Variants in GHR observed in about 807,000 individuals in gnomAD.
GHR encodes growth hormone receptor.
Under a neutral mutation model 67.1 loss-of-function variants are expected in GHR, and 35 were observed. That is an observed-to-expected ratio of 0.52 (90% CI 0.40 to 0.69). The LOEUF is 0.69. Among genes scored for constraint, GHR ranks in the 30% least tolerant of loss-of-function variants. The pLI, the probability that GHR is intolerant of heterozygous loss-of-function variation, is 0.00. For missense variants in GHR, 792 were observed against 764.6 expected, an observed-to-expected ratio of 1.04 and a Z score of -0.42; for synonymous variants, 272 against 269.1, an observed-to-expected ratio of 1.01 and a Z score of -0.10.
At chr5:42,468,022 T>A (rs1234517860) in intron 1 of GHR, 2 of 777,462 alleles carry the variant, frequency 2.6e-6, no homozygotes, top group African/African-American at 3.5e-5. Flanking sequence ...TTAACTCAGG[T>A]CCTTAAGGAT....
intron 1 of GHR, among the ~76,000 whole-genome samples, chr5:42,478,245 A>T (rs145847415): frequency 6.6e-6 from 1 of 152,054 alleles, no homozygotes; most frequent in Non-Finnish European, 1.5e-5. Flanking sequence ...TGGTCTATAT[A>T]TCTGTTTTGG....
At chr5:42,475,074 G>A (rs1444183882) in intron 1 of GHR, among the ~76,000 whole-genome samples, 1 of 151,780 alleles carries the variant, frequency 6.6e-6, no homozygotes, top group Non-Finnish European at 1.5e-5. Context: ...AGTAGTGACG[G>A]GGTTTCACCA....
chr5:42,483,639 AG>A (rs766879927), intron 1 of GHR, among the ~76,000 whole-genome samples: 1 of 152,162 alleles, frequency 6.6e-6, no homozygotes, highest in Non-Finnish European at 1.5e-5. Flanking sequence ...ACGTTAGGGG[AG>A]GGAATCGAAT....
intron 1 of GHR, among the ~76,000 whole-genome samples, chr5:42,538,272 C>G (rs1748349597): frequency 6.6e-6 from 1 of 151,972 alleles, no homozygotes; most frequent in South Asian, 2.1e-4. Flanking sequence ...GTTTATAAGT[C>G]CTATGTGATT....
intron 2 of GHR, among the ~76,000 whole-genome samples, chr5:42,622,290 T>C (rs1238695814): frequency 6.6e-6 from 1 of 152,200 alleles, no homozygotes; most frequent in Non-Finnish European, 1.5e-5. Flanking sequence ...TTGAGATCAA[T>C]CAATCAGCAT....
intron 2 of GHR, among the ~76,000 whole-genome samples, chr5:42,576,446 C>T (rs1750748861): frequency 6.6e-6 from 1 of 152,018 alleles, no homozygotes; most frequent in South Asian, 2.1e-4. Context: ...TATATAATTC[C>T]TATAATTGGA....
intron 1 of GHR, among the ~76,000 whole-genome samples, chr5:42,481,359 A>T (rs1745626070): frequency 6.6e-6 from 1 of 152,016 alleles, no homozygotes; most frequent in Non-Finnish European, 1.5e-5. Flanking sequence ...TCTGCCAATT[A>T]TGTGTCTTGG....
chr5:42,441,157 A>G (rs766955621), intron 1 of GHR, among the ~76,000 whole-genome samples: 1 of 152,096 alleles, frequency 6.6e-6, no homozygotes, highest in Non-Finnish European at 1.5e-5. Flanking sequence ...AGCCATGAGA[A>G]CTCCAACATT....
At chr5:42,697,020 G>GT (rs1277835519) in intron 5 of GHR, among the ~76,000 whole-genome samples, 1 of 152,176 alleles carries the variant, frequency 6.6e-6, no homozygotes, top group African/African-American at 2.4e-5. Context: ...CGGACTAGAG[G>GT]TAGAAGAGGT....
intron 2 of GHR, among the ~76,000 whole-genome samples, chr5:42,574,798 C>T (rs1750557122): frequency 6.6e-6 from 1 of 152,012 alleles, no homozygotes; most frequent in South Asian, 2.1e-4. Flanking sequence ...GGTGATTTCT[C>T]CAACATGTTT....
At chr5:42,550,336 C>T (rs142666333) in intron 1 of GHR, among the ~76,000 whole-genome samples, 147 of 152,238 alleles carry the variant, frequency 9.7e-4, no homozygotes, top group Admixed American at 2.7e-3. Context: ...ACACTGTTCT[C>T]GGGGCCATGT....
intron 1 of GHR, among the ~76,000 whole-genome samples, chr5:42,431,591 C>T (rs1322291438): frequency 6.6e-6 from 1 of 152,208 alleles, no homozygotes; most frequent in Non-Finnish European, 1.5e-5. Flanking sequence ...ACTTCTTCTA[C>T]AGAGTCTTTC....
chr5:42,431,825 T>C (rs893474611), intron 1 of GHR, among the ~76,000 whole-genome samples: 4 of 152,224 alleles, frequency 2.6e-5, no homozygotes, highest in Non-Finnish European at 4.4e-5. Flanking sequence ...AGTACAGGTG[T>C]AGAGAATTCC....
At chr5:42,528,724 C>A (rs1177131950) in intron 1 of GHR, among the ~76,000 whole-genome samples, 1 of 152,112 alleles carries the variant, frequency 6.6e-6, no homozygotes, top group Non-Finnish European at 1.5e-5. Flanking sequence ...ACACAGAAAT[C>A]TTTTATGAAA....
chr5:42,562,139 G>A (rs940398507), intron 1 of GHR, among the ~76,000 whole-genome samples: 1 of 152,146 alleles, frequency 6.6e-6, no homozygotes, highest in Admixed American at 6.5e-5. Flanking sequence ...TTTTGTCTCA[G>A]CTAGAATCTA....
intron 1 of GHR, among the ~76,000 whole-genome samples, chr5:42,478,638 T>G (rs1287238390): frequency 6.6e-6 from 1 of 152,228 alleles, no homozygotes; most frequent in Non-Finnish European, 1.5e-5. Flanking sequence ...TTTATTCTCT[T>G]TGAAGCAATT....
chr5:42,546,426 G>A (rs529366809), intron 1 of GHR, among the ~76,000 whole-genome samples: 68 of 152,296 alleles, frequency 4.5e-4, no homozygotes, highest in African/African-American at 1.6e-3. Context: ...AGGGTGAGGA[G>A]GGGAAGTGTA....
At chr5:42,656,320 G>T (rs1158250466) in intron 3 of GHR, among the ~76,000 whole-genome samples, 1 of 152,098 alleles carries the variant, frequency 6.6e-6, no homozygotes, top group Admixed American at 6.6e-5. Flanking sequence ...AAACATTTTA[G>T]TATCTTCTCA....
intron 1 of GHR, among the ~76,000 whole-genome samples, chr5:42,504,070 C>A (rs1746651413): frequency 6.6e-6 from 1 of 152,020 alleles, no homozygotes; most frequent in Non-Finnish European, 1.5e-5. Context: ...AGACCCATAG[C>A]CCTAGTAATA....
Sources: gnomAD v4.1 joint callset for allele counts (sites outside exome capture counted in the v4.1 genomes callset) on GRCh38, gnomAD v4.1.1 for gene constraint, MANE v1.5 for transcripts, NCBI Gene and HGNC (gene_info 2026-07-23, HGNC 2026-07-21) for gene names.